Variants in DDX25 observed in about 807,000 individuals in gnomAD.
The protein encoded by DDX25 is ATP-dependent RNA helicase DDX25.
Under a neutral mutation model 64.6 loss-of-function variants are expected in DDX25, and 70 were observed. That is an observed-to-expected ratio of 1.08 (90% confidence interval 0.89 to 1.32). The LOEUF (loss-of-function observed/expected upper bound fraction) is 1.32, where lower values mean the gene tolerates loss of function less well. Ranked by LOEUF, DDX25 falls within the 40% of genes most tolerant of loss-of-function variation. The pLI, the probability that DDX25 is intolerant of heterozygous loss-of-function variation, is 0.00. For synonymous variants in DDX25, 211 were observed against 213.3 expected, an observed-to-expected ratio of 0.99 and a Z score of 0.09; for missense variants, 587 against 604.4, an observed-to-expected ratio of 0.97 and a Z score of 0.30.
Position 125,910,490 on chromosome 11 carries a change from T to G in DDX25, c.622+12T>G. 5.0e-6 allele frequency: 8 copies of G among 1,612,020 alleles called. No individual in the cohort carries two copies. The highest frequency in any genetic ancestry group is 6.8e-6 in the Non-Finnish European group (8 of 1,178,180). ...TCGAGGGAATCGAAGTATGTACCAG[T>G]AAGCCAGTCCTGGCTGATTTTTCAA... On this transcript the variant is annotated intron_variant, in intron 7 of 11. Coordinates refer to ENST00000263576, the MANE Select transcript of DDX25 (RefSeq NM_013264.5).
At chr11:125,913,234 T>C (rs1166724134) in intron 8 of DDX25, among the ~76,000 whole-genome samples, 2 of 152,066 alleles carry the variant, frequency 1.3e-5, no homozygotes, top group African/African-American at 4.8e-5. Context: ...AGCTTCAGTC[T>C]GGTAGATCTG....
In DDX25 at chr11:125,919,312, G is replaced by A. The variant is rs114684141; in HGVS notation, c.1201+522G>A. ...ATTTCTCTTGGGTAAATATCTAAGA[G>A]TGGGGTTGTTGGGCCCTATGATAGG... On this transcript the variant is annotated intron_variant, in intron 10 of 11. Coordinates refer to ENST00000263576, the MANE Select transcript of DDX25 (RefSeq NM_013264.5). Among the ~76,000 whole-genome samples, 867 of 152,304 alleles carry A rather than the reference G, an allele frequency of 5.7e-3. 5 individuals are homozygous for A. Among genetic ancestry groups the A allele is most frequent in the African/African-American group, 0.02 (830 of 41,562 alleles).
At position 125,916,387 on chromosome 11, in the gene DDX25, C is replaced by T. The variant is rs535781639; in HGVS notation, c.801-627C>T. Reference sequence around the variant, plus strand: ...GAATTTTCTTAATAACCCCTTTCTGCTCACTGGTCCCTCTCTTTTCCCAAG... The same window carrying T: ...GAATTTTCTTAATAACCCCTTTCTGTTCACTGGTCCCTCTCTTTTCCCAAG... On this transcript the variant is annotated intron_variant, in intron 8 of 11. Coordinates refer to ENST00000263576, the MANE Select transcript of DDX25 (RefSeq NM_013264.5). 6.6e-5 allele frequency among the ~76,000 whole-genome samples: 10 copies of T among 152,254 alleles called. No homozygotes were observed. The East Asian group carries it at 1.9e-3, about 29-fold the overall frequency.
At chr11:125,909,224 A>G (rs1413876283) in intron 6 of DDX25, among the ~76,000 whole-genome samples, 1 of 152,210 alleles carries the variant, frequency 6.6e-6, no homozygotes, top group Non-Finnish European at 1.5e-5. Flanking sequence ...CTCTCTCAGT[A>G]AGCTTCCACT....
At position 125,911,351 on chromosome 11, in the gene DDX25, C is replaced by T. The variant is rs1944965868; in HGVS notation, c.663C>T (p.Gly221=). ...GTDITKQIII[G]TPGTVLDWCF... Reference sequence around the variant, plus strand: ...ACATCACTAAACAGATTATAATTGGCACTCCTGGGACTGTCCTAGATTGGT... The same window carrying T: ...ACATCACTAAACAGATTATAATTGGTACTCCTGGGACTGTCCTAGATTGGT... Residue 221 remains glycine, a synonymous_variant, in exon 8 of 12, where the codon GGC becomes GGT. Coordinates refer to ENST00000263576, the MANE Select transcript of DDX25 (RefSeq NM_013264.5). 1.2e-6 allele frequency: 2 copies of T among 1,613,300 alleles called. No individual in the cohort carries two copies. Among genetic ancestry groups the T allele is most frequent in the Non-Finnish European group, 1.7e-6 (2 of 1,179,610 alleles).
rs937576108 is a variant in DDX25 at position 125,921,272 on chromosome 11, A to G, written c.1283A>G (p.Tyr428Cys). The change falls in exon 11 of 12, where the codon TAC becomes TGC. Residue 428 changes from tyrosine to cysteine, a missense_variant. Tyr to Cys is a radical substitution (Grantham distance 194). Coordinates refer to ENST00000263576, the MANE Select transcript of DDX25 (RefSeq NM_013264.5). This position sits in a 1 kb window ranked among gnomAD's most constrained non-coding sequence, Gnocchi z 4.1. ...KQGEEPDYET[Y>C]LHRIGRTGRF... is the part of the protein sequence containing the mutation. Reference sequence around the variant, plus strand: ...GGAGAGGAGCCGGACTATGAGACCTACCTCCACCGCATAGGGCGGACGGGG... The same window carrying G: ...GGAGAGGAGCCGGACTATGAGACCTGCCTCCACCGCATAGGGCGGACGGGG... 5.6e-6 allele frequency: 9 copies of G among 1,613,010 alleles called. No homozygotes were observed. The highest frequency in any genetic ancestry group is 7.6e-6 in the Non-Finnish European group (9 of 1,179,630).
intron 4 of DDX25, among the ~76,000 whole-genome samples, chr11:125,907,753 A>T (rs1003617509): frequency 2.1e-4 from 32 of 152,374 alleles, no homozygotes; most frequent in Non-Finnish European, 3.4e-4. Context: ...GAAAGAACTA[A>T]TATAAGAATC....
chr11:125,906,307 T>A, intron 4 of DDX25, 98 bp downstream of exon 4: 2 of 1,358,390 alleles, frequency 1.5e-6, no homozygotes, highest in Non-Finnish European at 1.9e-6. Flanking sequence ...CCTCTTTGTT[T>A]TCTGATATTC....
rs756266632 is a variant in DDX25 at position 125,922,885 on chromosome 11, A to G, written c.*4A>G. ...AATTGAAAAGATTGACTATTGAAGA[A>G]AGAACTTTATTGTTTGTGCAGTATC... On this transcript the variant is annotated 3_prime_UTR_variant, in exon 12 of 12. Transcript: ENST00000263576. 1 of 1,604,010 alleles carries G rather than the reference A, an allele frequency of 6.2e-7. No homozygotes were observed. Among genetic ancestry groups the G allele is most frequent in the South Asian group, 1.1e-5 (1 of 89,078 alleles).
At position 125,905,134 on chromosome 11, in the gene DDX25, A is replaced by G. The variant is rs1252907508; in HGVS notation, c.64-78A>G. On this transcript the variant is annotated intron_variant, in intron 1 of 11. Transcript: ENST00000263576. ...GGGTGTCCTTCCCTGAATCCCTCCC[A>G]GCCCCTGTGGTAGGGAAGCACTGGG... 4.5e-6 allele frequency: 6 copies of G among 1,342,854 alleles called. No homozygotes were observed. The African/African-American group carries it at 8.7e-5, about 20-fold the overall frequency. 83.2% of individuals were successfully genotyped at this position (1,342,854 alleles called of 1,614,324 possible).
At chr11:125,913,143 G>GC (rs1363699619) in intron 8 of DDX25, among the ~76,000 whole-genome samples, 2 of 140,358 alleles carry the variant, frequency 1.4e-5, no homozygotes, top group Admixed American at 1.5e-4. Flanking sequence ...GGGTGACAGA[G>GC]CAAGACTCCA....
At chr11:125,905,373 C>T in intron 2 of DDX25, 95 bp downstream of exon 2, 2 of 1,418,302 alleles carry the variant, frequency 1.4e-6, no homozygotes, top group East Asian at 2.5e-5. Flanking sequence ...ACCGCGGATT[C>T]ATTAGTGTGA....
chr11:125,913,241 T>G (rs1944990120), intron 8 of DDX25, among the ~76,000 whole-genome samples: 1 of 152,164 alleles, frequency 6.6e-6, no homozygotes, highest in Non-Finnish European at 1.5e-5. Context: ...GTCTGGTAGA[T>G]CTGCTGTACA....
Position 125,926,563 on chromosome 11 carries a change from G to A in DDX25, c.*3682G>A, listed in dbSNP as rs1347260905. 6.8e-6 allele frequency: 1 copy of A among 147,352 alleles called. No individual in the cohort carries two copies. The highest frequency in any genetic ancestry group is 1.5e-5 in the Non-Finnish European group (1 of 67,220). The allele number at this position is 147,352 out of a possible 1,614,324, so 9.1% of individuals were successfully genotyped here. A position where few individuals can be genotyped will look rare whatever the true frequency, so the allele number is the denominator to read the frequency against. ...TCCCTTCTCTTTTTTTTTTTTTTGA[G>A]ATGGAGTCTCACTGTGTTGCCCAGG... On this transcript the variant is annotated 3_prime_UTR_variant, in exon 12 of 12. Coordinates refer to ENST00000263576, the MANE Select transcript of DDX25 (RefSeq NM_013264.5).
In DDX25 at chr11:125,921,716, C is replaced by A. The variant is rs781218509; in HGVS notation, c.1390+337C>A. ...CCATCCTGGCCAACATGGTAAAACC[C>A]CATCTCTACTAACAATACAAAAATT... On this transcript the variant is annotated intron_variant, in intron 11 of 11. Coordinates refer to ENST00000263576, the MANE Select transcript of DDX25 (RefSeq NM_013264.5). The surrounding 1 kb of genome is among the most constrained non-coding windows in gnomAD (Gnocchi z 4.1). 5.0e-6 allele frequency: 1 copy of A among 199,266 alleles called. No homozygotes were observed. The highest frequency in any genetic ancestry group is 1.0e-5 in the Non-Finnish European group (1 of 95,964). 12.3% of individuals were successfully genotyped at this position (199,266 alleles called of 1,614,324 possible).
intron 1 of DDX25, chr11:125,904,805 C>A (rs752484909): frequency 1.7e-6 from 1 of 592,650 alleles, no homozygotes; most frequent in South Asian, 2.1e-5. Context: ...AATGACGACC[C>A]CTGGAAATCC....
intron 3 of DDX25, 121 bp downstream of exon 3, chr11:125,905,718 A>G (rs1336121628): frequency 9.9e-7 from 1 of 1,012,468 alleles, no homozygotes; most frequent in Non-Finnish European, 1.5e-6. Context: ...CTGTTTTCTT[A>G]TAGTGACTAT....
At chr11:125,912,416 T>C (rs1470014537) in intron 8 of DDX25, among the ~76,000 whole-genome samples, 1 of 152,200 alleles carries the variant, frequency 6.6e-6, no homozygotes, top group Non-Finnish European at 1.5e-5. Context: ...ATAATTACAG[T>C]TGCCCCTCCG....
At chr11:125,909,895 G>A (rs1245880237) in intron 6 of DDX25, among the ~76,000 whole-genome samples, 8 of 152,010 alleles carry the variant, frequency 5.3e-5, no homozygotes, top group Admixed American at 3.3e-4. Flanking sequence ...CAGGTGATCC[G>A]CCCACCTCAG....
Sources: allele counts gnomAD v4.1 joint callset (sites outside exome capture counted in the v4.1 genomes callset), GRCh38; gene constraint gnomAD v4.1.1; non-coding constraint Gnocchi (gnomAD v3.1); transcripts MANE v1.5; gene names NCBI Gene and HGNC (gene_info 2026-07-23, HGNC 2026-07-21).